Variants in ASPH observed in about 807,000 individuals in gnomAD.
ASPH encodes the protein aspartyl/asparaginyl beta-hydroxylase.
ASPH carries 100 observed loss-of-function variants against 118.4 expected under a neutral mutation model. The ratio of observed to expected loss-of-function variants is 0.84; its 90% CI spans 0.72 to 1.00. The LOEUF (loss-of-function observed/expected upper bound fraction) is 1.00. ASPH is among the 50% of genes least tolerant of loss of function. ASPH has a pLI of 0.00. For missense variants in ASPH, 920 were observed against 919.5 expected (o/e 1.00, Z -0.01); for synonymous variants, 315 against 325.6 (o/e 0.97, Z 0.35).
Position 61,539,699 on chromosome 8 carries a change from G to GTGTGTGTGTGTGTGT in ASPH, c.1764+8371_1764+8372insACACACACACACACA, listed in dbSNP as rs1554618408. Among the ~76,000 whole-genome samples the GTGTGTGTGTGTGTGT allele has an allele frequency of 3.2e-4, 40 of 124,306 alleles. 1 individual carries two copies. Among genetic ancestry groups the GTGTGTGTGTGTGTGT allele is most frequent in the Middle Eastern group, 4.3e-3 (1 of 232 alleles). The allele number at this position is 124,306 out of a possible 152,430, so 81.5% of individuals were successfully genotyped here. A position where few individuals can be genotyped will look rare whatever the true frequency, so the allele number is the denominator to read the frequency against. Reference sequence around the variant, plus strand: ...TGTGATGGTCACCTAACACTTCTGGGGTGTGTGTGTGTGTGTGTGTGTGTG... The same window carrying GTGTGTGTGTGTGTGT: ...TGTGATGGTCACCTAACACTTCTGGGTGTGTGTGTGTGTGTGTGTGTGTGTGTGTGTGTGTGTGTG... On this transcript the variant is annotated intron_variant, in intron 21 of 24. Coordinates refer to ENST00000379454, the MANE Select transcript of ASPH (RefSeq NM_004318.4).
chr8:61,579,923 AAAAAAAAAAT>A (rs1365731039), intron 15 of ASPH, among the ~76,000 whole-genome samples: 2 of 149,932 alleles, frequency 1.3e-5, no homozygotes, highest in African/African-American at 4.9e-5. Flanking sequence ...AAAAAAAAAA[AAAAAAAAAAT>A]GGGAGAAATT....
rs536169605 is a variant in ASPH, at chr8:61,697,671, G to A, written c.104-13483C>T. 1.4e-4 allele frequency among the ~76,000 whole-genome samples: 22 copies of A among 152,346 alleles called. No homozygotes were observed. The South Asian group carries it at 3.1e-3, about 22-fold the overall frequency. On this transcript the variant is annotated intron_variant, in intron 1 of 24. Coordinates refer to ENST00000379454, the MANE Select transcript of ASPH (RefSeq NM_004318.4). ...ACACATTTACTAGTTGATTATAAAG[G>A]ATATTACACAGGATGCAGATGAACA... is the stretch of plus-strand genomic sequence containing the variant.
At chr8:61,641,062 C>G (rs1025485132) in intron 10 of ASPH, among the ~76,000 whole-genome samples, 53 of 152,178 alleles carry the variant, frequency 3.5e-4, no homozygotes, top group African/African-American at 1.2e-3. Flanking sequence ...GAATAATACA[C>G]TGTTCAATTA....
chr8:61,542,268 G>A (rs1360627377), intron 21 of ASPH, among the ~76,000 whole-genome samples: 1 of 152,056 alleles, frequency 6.6e-6, no homozygotes, highest in Non-Finnish European at 1.5e-5. Flanking sequence ...CATTTTTAAT[G>A]TCCTTTTTGT....
chr8:61,560,822 A>C (rs1411143171), intron 18 of ASPH, among the ~76,000 whole-genome samples: 1 of 152,048 alleles, frequency 6.6e-6, no homozygotes, highest in South Asian at 2.1e-4. Context: ...AGGAAGGACA[A>C]ATCCACAGTG....
At chr8:61,661,657 G>C (rs951388156) in intron 3 of ASPH, 6 of 276,982 alleles carry the variant, frequency 2.2e-5, no homozygotes, top group African/African-American at 1.3e-4. Context: ...AATTACAAAT[G>C]ACACTTGTTT....
chr8:61,538,560 A>G (rs1186077599), intron 21 of ASPH, among the ~76,000 whole-genome samples: 3 of 152,224 alleles, frequency 2.0e-5, no homozygotes, highest in Admixed American at 2.0e-4. Flanking sequence ...ATTTAATTAC[A>G]AAGAAAGAAA....
intron 13 of ASPH, chr8:61,625,370 G>T (rs1018529264): frequency 3.0e-6 from 3 of 985,770 alleles, no homozygotes; most frequent in Non-Finnish European, 3.6e-6. Context: ...AGAGCACTGA[G>T]CGGTCTCTAG....
intron 3 of ASPH, chr8:61,663,002 T>C (rs1429352712): frequency 1.7e-5 from 17 of 985,346 alleles, no homozygotes; most frequent in African/African-American, 5.2e-5. Context: ...AATTCACTTA[T>C]AATTGTTTGC....
intron 18 of ASPH, 23 bp from the exon 19 acceptor site, chr8:61,556,045 A>G: frequency 6.2e-7 from 1 of 1,601,544 alleles, no homozygotes; most frequent in Non-Finnish European, 8.5e-7. Flanking sequence ...AAAACACAGA[A>G]CATAACTCAA....
intron 13 of ASPH, chr8:61,633,404 A>C (rs1216102779): frequency 4.0e-6 from 1 of 250,620 alleles, no homozygotes; most frequent in African/African-American, 2.2e-5. Flanking sequence ...AAACAAAAAA[A>C]CTCTAACTTC....
rs543379875 is a variant in ASPH, at chr8:61,540,369, G to A, written c.1764+7702C>T. On this transcript the variant is annotated intron_variant, in intron 21 of 24. Transcript: ENST00000379454. ...CCTCGTGATAGTGAATGAGTTCTTG[G>A]AGATCTGGTCGTTTACATGTATGTA... 2.6e-5 allele frequency among the ~76,000 whole-genome samples: 4 copies of A among 152,216 alleles called. No homozygotes were observed. In the South Asian group the frequency reaches 8.3e-4, roughly 32 times the overall value.
chr8:61,536,473 AG>A (rs1369855568), intron 21 of ASPH, among the ~76,000 whole-genome samples: 1 of 152,208 alleles, frequency 6.6e-6, no homozygotes, highest in Non-Finnish European at 1.5e-5. Flanking sequence ...AAAGGCAGGC[AG>A]AGGAGTAGGA....
chr8:61,615,654 T>C (rs551140398), intron 14 of ASPH, among the ~76,000 whole-genome samples: 1 of 152,328 alleles, frequency 6.6e-6, no homozygotes, highest in South Asian at 2.1e-4. Flanking sequence ...GTTCACACAT[T>C]TTGTGACCAT....
intron 3 of ASPH, among the ~76,000 whole-genome samples, chr8:61,655,311 T>G (rs924384282): frequency 1.3e-5 from 2 of 152,204 alleles, no homozygotes; most frequent in Non-Finnish European, 2.9e-5. Context: ...TCTACTCCTA[T>G]GTACCAGAGA....
At chr8:61,571,787 A>G (rs937591464) in intron 16 of ASPH, among the ~76,000 whole-genome samples, 6 of 152,216 alleles carry the variant, frequency 3.9e-5, no homozygotes. Flanking sequence ...ATTTGCATAA[A>G]CCATTTCTCT....
At chr8:61,692,638 T>C (rs980343224) in intron 1 of ASPH, among the ~76,000 whole-genome samples, 2 of 152,180 alleles carry the variant, frequency 1.3e-5, no homozygotes, top group Non-Finnish European at 2.9e-5. Flanking sequence ...CAGCACTGAA[T>C]ACTTCCTTCC....
chr8:61,635,970 C>T lies in ASPH; in HGVS notation c.889+1977G>A, dbSNP rs74606371. ...ATCTTAAGAATTTTCATAATTCACA[C>T]TGTGCCTAGAATATAATCCAAAAAG... On this transcript the variant is annotated intron_variant, in intron 12 of 24. Transcript: ENST00000379454. Among the ~76,000 whole-genome samples the T allele has an allele frequency of 6.8e-3, 1,036 of 152,318 alleles. 14 individuals carry two copies. Among genetic ancestry groups the T allele is most frequent in the African/African-American group, 0.024 (989 of 41,572 alleles).
At chr8:61,510,546 G>T (rs1239482854) in intron 24 of ASPH, among the ~76,000 whole-genome samples, 2 of 152,030 alleles carry the variant, frequency 1.3e-5, no homozygotes, top group Non-Finnish European at 2.9e-5. Flanking sequence ...TTCACCAATC[G>T]GTTCAACAAA....
Sources: allele counts gnomAD v4.1 joint callset (sites outside exome capture counted in the v4.1 genomes callset), GRCh38; gene constraint gnomAD v4.1.1; transcripts MANE v1.5; gene names NCBI Gene and HGNC (gene_info 2026-07-23, HGNC 2026-07-21).